Variants in CUL2 observed in about 807,000 individuals in gnomAD.
CUL2 encodes cullin-2.
A neutral mutation model predicts 110.2 loss-of-function variants in CUL2; 22 were observed. The ratio of observed to expected loss-of-function variants is 0.20; its 90% CI spans 0.14 to 0.28. The LOEUF is 0.28. Among genes scored for constraint, CUL2 ranks in the 10% least tolerant of loss-of-function variants. CUL2 has a pLI of 1.00. For synonymous variants in CUL2, 279 were observed against 293.2 expected (o/e 0.95, Z 0.49); for missense variants, 631 against 905.5 (o/e 0.70, Z 3.89).
chr10:35,090,951 T>A (rs998377299), upstream of CUL2, among the ~76,000 whole-genome samples: 1 of 152,204 alleles, frequency 6.6e-6, no homozygotes, highest in Admixed American at 6.5e-5. Flanking sequence ...AAAAATAAAT[T>A]AGCAAAACTA....
chr10:35,044,718 A>C (rs2085890304), intron 7 of CUL2, 42 bp from the exon 8 acceptor site: 1 of 1,585,234 alleles, frequency 6.3e-7, no homozygotes, highest in East Asian at 2.2e-5. Flanking sequence ...AATTAGAACA[A>C]GCAGTTTAAG....
At chr10:35,108,762 G>A (rs1024331384) in intron 1 of CUL2, among the ~76,000 whole-genome samples, 1 of 152,110 alleles carries the variant, frequency 6.6e-6, no homozygotes, top group East Asian at 1.9e-4. Context: ...TGTGGTTGGG[G>A]GATCCTGCTA....
chr10:35,119,959 A>G (rs1013604645), intron 1 of CUL2: 6 of 152,162 alleles, frequency 3.9e-5, no homozygotes, highest in Non-Finnish European at 8.8e-5. Flanking sequence ...TTGGCTCCAC[A>G]CATTAATATT....
intron 1 of CUL2, among the ~76,000 whole-genome samples, chr10:35,087,069 T>A (rs772978080): frequency 4.6e-5 from 7 of 152,188 alleles, no homozygotes; most frequent in Admixed American, 3.9e-4. Flanking sequence ...TATTTTGGTT[T>A]TCTGTTTGTT....
rs556265081 is a variant in CUL2, at chr10:35,095,836, C to T, written c.167+5008G>A. 5.3e-5 allele frequency among the ~76,000 whole-genome samples: 8 copies of T among 152,116 alleles called. No individual in the cohort carries two copies. In the South Asian group the frequency reaches 1.7e-3, roughly 32 times the overall value. ...TCAGCCTCCCAAAGAGTTGAGATTA[C>T]AGGCGTGAGCCACCAAGCCCGGCCA... is the stretch of plus-strand genomic sequence containing the variant. On this transcript the variant is annotated intron_variant, in intron 2 of 5. Transcript: ENST00000685421.
chr10:35,085,588 C>G (rs1193720154), intron 1 of CUL2, among the ~76,000 whole-genome samples: 1 of 146,626 alleles, frequency 6.8e-6, no homozygotes, highest in Non-Finnish European at 1.5e-5. Flanking sequence ...ATGAAAAATA[C>G]AAAAAATTAG....
At chr10:35,018,886 T>A (rs2085114636) in intron 17 of CUL2, among the ~76,000 whole-genome samples, 1 of 152,128 alleles carries the variant, frequency 6.6e-6, no homozygotes, top group Admixed American at 6.6e-5. Context: ...AAAACTGATA[T>A]TTAGAAACAT....
At chr10:35,023,253 G>A (rs1007820234) in intron 17 of CUL2, among the ~76,000 whole-genome samples, 2 of 151,876 alleles carry the variant, frequency 1.3e-5, no homozygotes, top group African/African-American at 2.4e-5. Context: ...TCAAAGTTGG[G>A]AAGAAAAACA....
intron 8 of CUL2, among the ~76,000 whole-genome samples, chr10:35,044,051 C>CAAAAAAAAAAAAAAAAAAAA: frequency 1.1e-5 from 1 of 87,796 alleles, no homozygotes. Context: ...ACCACATCTC[C>CAAAAAAAAAAAAAAAAAAAA]AAAAAAAAAA....
Position 35,029,479 on chromosome 10 carries a change from T to C in CUL2, c.1539+9A>G. On this transcript the variant is annotated intron_variant, in intron 15 of 20. Coordinates refer to ENST00000374749, the MANE Select transcript of CUL2 (RefSeq NM_003591.4). ...TAGTAAATGCTCATAGTAAAACACA[T>C]ATTCATACCTGTAGAACATATATTT... 1.3e-6 allele frequency: 2 copies of C among 1,490,538 alleles called. No individual in the cohort carries two copies. Among genetic ancestry groups the C allele is most frequent in the Non-Finnish European group, 1.8e-6 (2 of 1,105,692 alleles). 92.3% of individuals were successfully genotyped at this position (1,490,538 alleles called of 1,614,324 possible).
intron 5 of CUL2, 21 bp from the exon 6 acceptor site, chr10:35,049,786 C>T (rs747399156): frequency 2.8e-5 from 44 of 1,552,628 alleles, no homozygotes; most frequent in Admixed American, 1.5e-4. Context: ...AAACGAAAAT[C>T]ATCAGGGCTG....
At chr10:35,124,269 A>C (rs1266183731) in intron 1 of CUL2, among the ~76,000 whole-genome samples, 1 of 152,116 alleles carries the variant, frequency 6.6e-6, no homozygotes, top group African/African-American at 2.4e-5. Context: ...AATGAGAAAA[A>C]GTGGTCAGAT....
intron 1 of CUL2, among the ~76,000 whole-genome samples, chr10:35,123,493 A>T (rs2135152342): frequency 6.6e-6 from 1 of 152,324 alleles, no homozygotes; most frequent in East Asian, 1.9e-4. Flanking sequence ...GAATAAAAAA[A>T]AAAGGGATGG....
At chr10:35,105,826 GAAA>G (rs112118504) in intron 1 of CUL2, among the ~76,000 whole-genome samples, 22,913 of 139,324 alleles carry the variant, frequency 0.16, 1,904 homozygotes, top group East Asian at 0.25. Context: ...GCAATGTCCT[GAAA>G]AAAAAAAAAA....
At chr10:35,103,874 A>G (rs1401089980) in intron 1 of CUL2, among the ~76,000 whole-genome samples, 1 of 152,122 alleles carries the variant, frequency 6.6e-6, no homozygotes, top group African/African-American at 2.4e-5. Context: ...AAAGGTTTAC[A>G]ATAAAATGTA....
chr10:35,080,336 T>C (rs1164622040), intron 1 of CUL2, among the ~76,000 whole-genome samples: 1 of 152,128 alleles, frequency 6.6e-6, no homozygotes, highest in African/African-American at 2.4e-5. Context: ...AGGTTAAGGG[T>C]GCAATGTTTT....
intron 2 of CUL2, among the ~76,000 whole-genome samples, chr10:35,095,918 T>C (rs764570025): frequency 6.6e-6 from 1 of 152,164 alleles, no homozygotes; most frequent in Non-Finnish European, 1.5e-5. Context: ...CCCTAGATAC[T>C]GTACAACAGT....
rs762442220 is a variant in CUL2 at position 35,038,916 on chromosome 10, T to C, written c.877+4A>G. On this transcript the variant is annotated splice_donor_region_variant and intron_variant, in intron 9 of 20. Coordinates refer to ENST00000374749, the MANE Select transcript of CUL2 (RefSeq NM_003591.4). ...AATTTCTACTCATGTTTGGTGTCAC[T>C]TACCATTTTTTTTCTCTTGTCGAAT... The C allele has an allele frequency of 1.3e-6, 2 of 1,580,182 alleles. No homozygotes were observed. Among genetic ancestry groups the C allele is most frequent in the African/African-American group, 1.3e-5 (1 of 74,216 alleles).
intron 1 of CUL2, among the ~76,000 whole-genome samples, chr10:35,119,215 C>A (rs2087645047): frequency 6.6e-6 from 1 of 152,180 alleles, no homozygotes; most frequent in Non-Finnish European, 1.5e-5. Context: ...ACATTTTCAA[C>A]CACATTCTCA....
Sources: allele counts gnomAD v4.1 joint callset (sites outside exome capture counted in the v4.1 genomes callset), GRCh38; gene constraint gnomAD v4.1.1; transcripts MANE v1.5; gene names NCBI Gene and HGNC (gene_info 2026-07-23, HGNC 2026-07-21).